Variants in KAZN observed in about 807,000 individuals in gnomAD.
The protein encoded by KAZN is kazrin.
In KAZN, 40 loss-of-function variants were observed where a neutral mutation model predicts 87.4. The ratio of observed to expected loss-of-function variants is 0.46; its 90% CI spans 0.36 to 0.60. The LOEUF (loss-of-function observed/expected upper bound fraction) is 0.60. Among genes scored for constraint, KAZN ranks in the 20% least tolerant of loss-of-function variants. KAZN has a pLI of 0.00. For synonymous variants in KAZN, 466 were observed against 458.3 expected (o/e 1.02, Z -0.22); for missense variants, 898 against 1,073.9 (o/e 0.84, Z 2.29).
At chr1:14,849,253 C>T (rs761412947) in intron 1 of KAZN, among the ~76,000 whole-genome samples, 2 of 152,122 alleles carry the variant, frequency 1.3e-5, no homozygotes, top group South Asian at 2.1e-4. Flanking sequence ...TAACCAGAGT[C>T]GCAGGGTCAC....
At chr1:14,164,634 G>A (rs1645784211) in intron 1 of KAZN, among the ~76,000 whole-genome samples, 2 of 146,444 alleles carry the variant, frequency 1.4e-5, no homozygotes, top group African/African-American at 5.1e-5. Context: ...TCCGCTCCCT[G>A]GGTTCAAGCG....
At chr1:14,082,038 G>A (rs1643692673) in intron 1 of KAZN, among the ~76,000 whole-genome samples, 1 of 152,114 alleles carries the variant, frequency 6.6e-6, no homozygotes, top group Admixed American at 6.5e-5. Flanking sequence ...GCCTCTCAAA[G>A]TGCTGGGATT....
chr1:14,822,424 A>G (rs1646760736), intron 1 of KAZN, among the ~76,000 whole-genome samples: 1 of 152,168 alleles, frequency 6.6e-6, no homozygotes, highest in Admixed American at 6.5e-5. Flanking sequence ...AATCTGCCTC[A>G]GGGTTGCTTA....
chr1:14,986,952 G>T (rs1344308743), intron 2 of KAZN, among the ~76,000 whole-genome samples: 4 of 150,334 alleles, frequency 2.7e-5, no homozygotes, highest in African/African-American at 9.8e-5. Flanking sequence ...CAGGAACACA[G>T]ATAGTCATTC....
chr1:14,957,837 C>T (rs556826416), intron 1 of KAZN, among the ~76,000 whole-genome samples: 65 of 152,298 alleles, frequency 4.3e-4, no homozygotes, highest in African/African-American at 1.4e-3. Flanking sequence ...GGGAGGCTGT[C>T]GGCACCGAGT....
chr1:14,271,906 A>G (rs529511154), intron 2 of KAZN, among the ~76,000 whole-genome samples: 1 of 152,350 alleles, frequency 6.6e-6, no homozygotes, highest in Non-Finnish European at 1.5e-5. Flanking sequence ...GTAAGGGACT[A>G]TAGCGTGAAG....
At chr1:13,946,611 A>C (rs980582748) in intron 1 of KAZN, among the ~76,000 whole-genome samples, 1 of 152,188 alleles carries the variant, frequency 6.6e-6, no homozygotes, top group Non-Finnish European at 1.5e-5. Flanking sequence ...TACCTAGGAC[A>C]ATCCTTGGGA....
intron 1 of KAZN, among the ~76,000 whole-genome samples, chr1:14,052,790 C>T (rs745993892): frequency 1.3e-5 from 2 of 152,296 alleles, no homozygotes; most frequent in Non-Finnish European, 1.5e-5. Context: ...CTGAATGAGG[C>T]AAGGAGGGAT....
At chr1:14,522,220 T>A (rs1473002244) in intron 2 of KAZN, among the ~76,000 whole-genome samples, 1 of 152,198 alleles carries the variant, frequency 6.6e-6, no homozygotes, top group African/African-American at 2.4e-5. Flanking sequence ...CACGGCTGTA[T>A]AATGTCTTCG....
At chr1:14,082,052 G>A (rs1004489292) in intron 1 of KAZN, among the ~76,000 whole-genome samples, 1 of 152,172 alleles carries the variant, frequency 6.6e-6, no homozygotes, top group African/African-American at 2.4e-5. Flanking sequence ...TGGGATTACA[G>A]GCATGAGCCA....
At chr1:15,087,970 C>T (rs1011893232) in intron 8 of KAZN, among the ~76,000 whole-genome samples, 9 of 152,244 alleles carry the variant, frequency 5.9e-5, no homozygotes, top group African/African-American at 2.2e-4. Flanking sequence ...ATGTAAAACG[C>T]TTCCGTGAGA....
rs111229525 is a variant in KAZN at position 14,154,582 on chromosome 1, G to A, written c.92-25853G>A. On this transcript the variant is annotated intron_variant, in intron 1 of 16. Coordinates refer to the KAZN transcript ENST00000636203. ...ATCCTTGTTATGCTTCAGATCTTAG[G>A]GGAAAGGCTTTCTGCTTTTCCCCAT... Among the ~76,000 whole-genome samples the A allele has an allele frequency of 6.3e-3, 958 of 152,194 alleles. 10 individuals are homozygous for A. The highest frequency in any genetic ancestry group is 0.021 in the African/African-American group (889 of 41,518).
chr1:14,596,694 C>T (rs910230115), upstream of KAZN, among the ~76,000 whole-genome samples: 45 of 152,204 alleles, frequency 3.0e-4, 1 homozygote, highest in Admixed American at 2.8e-3. Flanking sequence ...TAAATTGAAT[C>T]GTATAATATG....
At chr1:13,981,093 A>ATATATATATGTATATATATATATATG (rs1553181088) in intron 1 of KAZN, among the ~76,000 whole-genome samples, 1 of 78,152 alleles carries the variant, frequency 1.3e-5, no homozygotes. Context: ...TACTCTTTAT[A>ATATATATATGTATATATATATATATG]TATATATATA....
At chr1:15,084,944 T>C (rs1640178429) in intron 8 of KAZN, among the ~76,000 whole-genome samples, 1 of 151,976 alleles carries the variant, frequency 6.6e-6, no homozygotes, top group African/African-American at 2.4e-5. Context: ...ATAAAATACT[T>C]AAGGAAATGT....
At chr1:14,845,553 G>T (rs1308893923) in intron 1 of KAZN, among the ~76,000 whole-genome samples, 2 of 146,900 alleles carry the variant, frequency 1.4e-5, no homozygotes, top group African/African-American at 5.1e-5. Context: ...ATGCATAGAT[G>T]GGTGGGTGGA....
At chr1:14,299,010 C>T (rs749436170) in intron 2 of KAZN, among the ~76,000 whole-genome samples, 9 of 152,098 alleles carry the variant, frequency 5.9e-5, no homozygotes, top group East Asian at 5.8e-4. Context: ...TGGCAGGTGG[C>T]GTGGCTATTG....
rs528169776 is a variant in KAZN at position 14,056,596 on chromosome 1, T to G, written c.92-123839T>G. Among the ~76,000 whole-genome samples, 56 of 152,352 alleles carry G rather than the reference T, an allele frequency of 3.7e-4. No individual in the cohort carries two copies. The Middle Eastern group carries it at 0.017, about 46-fold the overall frequency. ...TAAGCCACAAAGTTTGTGGTACTTT[T>G]GTTACAGCAGCAACAGAAAAGTAAT... On this transcript the variant is annotated intron_variant, in intron 1 of 16. Transcript: ENST00000636203.
intron 2 of KAZN, among the ~76,000 whole-genome samples, chr1:14,335,265 C>A (rs964709492): frequency 1.3e-5 from 2 of 149,236 alleles, no homozygotes; most frequent in African/African-American, 5.0e-5. Context: ...TGTAGTGGTG[C>A]GATCTCGGCT....
Sources: gnomAD v4.1 joint callset for allele counts (sites outside exome capture counted in the v4.1 genomes callset) on GRCh38, gnomAD v4.1.1 for gene constraint, MANE v1.5 for transcripts, NCBI Gene and HGNC (gene_info 2026-07-23, HGNC 2026-07-21) for gene names.